Variants in FAT3 observed in about 807,000 individuals in gnomAD.
FAT3 encodes the protein protocadherin Fat 3.
FAT3 carries 95 observed loss-of-function variants against 310.2 expected under a neutral mutation model. The ratio of observed to expected loss-of-function variants is 0.31; its 90% CI spans 0.26 to 0.36. The LOEUF (loss-of-function observed/expected upper bound fraction) is 0.36. Ranked by LOEUF, FAT3 falls within the 10% of genes least tolerant of loss-of-function variation. FAT3 has a pLI of 1.00. For missense variants in FAT3, 5,408 were observed against 5,715.6 expected, an observed-to-expected ratio of 0.95 and a Z score of 1.74; for synonymous variants, 2,314 against 2,192.9, an observed-to-expected ratio of 1.06 and a Z score of -1.54.
At chr11:92,613,821 T>G (rs1297958728) in intron 3 of FAT3, among the ~76,000 whole-genome samples, 1 of 152,210 alleles carries the variant, frequency 6.6e-6, no homozygotes, top group African/African-American at 2.4e-5. Flanking sequence ...ATTCACAGAA[T>G]TGTGCATCTG....
chr11:92,505,864 T>C (rs1953083648), intron 2 of FAT3, among the ~76,000 whole-genome samples: 3 of 152,188 alleles, frequency 2.0e-5, no homozygotes, highest in Admixed American at 6.5e-5. Flanking sequence ...GTGCAATAAC[T>C]GTCAGGCACT....
At chr11:92,536,193 A>G (rs1166320366) in intron 3 of FAT3, among the ~76,000 whole-genome samples, 1 of 152,200 alleles carries the variant, frequency 6.6e-6, no homozygotes, top group Non-Finnish European at 1.5e-5. Context: ...GAGGTAGATT[A>G]TTCTGGGAAA....
chr11:92,693,107 C>T (rs184787150), intron 3 of FAT3, among the ~76,000 whole-genome samples: 1 of 152,266 alleles, frequency 6.6e-6, no homozygotes, highest in East Asian at 1.9e-4. Context: ...AACAAAAAAT[C>T]AAAAGCAGCC....
intron 3 of FAT3, among the ~76,000 whole-genome samples, chr11:92,570,055 G>A (rs1377740936): frequency 2.0e-5 from 3 of 152,160 alleles, no homozygotes; most frequent in East Asian, 3.9e-4. Context: ...GAGAACTGAG[G>A]TCAGTGTTTA....
At chr11:92,618,501 T>G (rs1324069031) in intron 3 of FAT3, among the ~76,000 whole-genome samples, 1 of 152,130 alleles carries the variant, frequency 6.6e-6, no homozygotes, top group Non-Finnish European at 1.5e-5. Flanking sequence ...CAAGCCCCAG[T>G]GAGATGAACC....
chr11:92,680,761 T>C (rs937481621), intron 3 of FAT3, among the ~76,000 whole-genome samples: 1 of 152,214 alleles, frequency 6.6e-6, no homozygotes, highest in Non-Finnish European at 1.5e-5. Flanking sequence ...ATGAGGTAGA[T>C]ACAAACTTTT....
chr11:92,574,985 A>G (rs1196077505), intron 3 of FAT3, among the ~76,000 whole-genome samples: 1 of 152,126 alleles, frequency 6.6e-6, no homozygotes, highest in Non-Finnish European at 1.5e-5. Context: ...CTGCACTTAG[A>G]TTCGGGTCTG....
At chr11:92,320,880 A>C (rs187110329) in intron 1 of FAT3, among the ~76,000 whole-genome samples, 2 of 148,466 alleles carry the variant, frequency 1.3e-5, no homozygotes, top group Non-Finnish European at 3.0e-5. Context: ...AAAAAAAAAA[A>C]GGGGGGGGTA....
chr11:92,774,409 T>C (rs1234135266), intron 7 of FAT3, among the ~76,000 whole-genome samples: 8 of 152,234 alleles, frequency 5.3e-5, no homozygotes, highest in Admixed American at 5.2e-4. Context: ...GGAAAAATAA[T>C]GCGTGTTTCT....
intron 1 of FAT3, among the ~76,000 whole-genome samples, chr11:92,284,532 T>A (rs2134374616): frequency 6.6e-6 from 1 of 152,220 alleles, no homozygotes; most frequent in African/African-American, 2.4e-5. Flanking sequence ...AGCACAGGAC[T>A]CAGCAGGATT....
intron 22 of FAT3, among the ~76,000 whole-genome samples, chr11:92,873,700 A>G (rs142080996): frequency 6.6e-6 from 1 of 152,350 alleles, no homozygotes; most frequent in African/African-American, 2.4e-5. Context: ...GATTCATTTT[A>G]AGTTGGTCTG....
chr11:92,609,077 A>G (rs1477807336), intron 3 of FAT3, among the ~76,000 whole-genome samples: 1 of 152,202 alleles, frequency 6.6e-6, no homozygotes, highest in Non-Finnish European at 1.5e-5. Flanking sequence ...CTCTTTACAT[A>G]AATTTTGATT....
At chr11:92,640,552 A>G in intron 3 of FAT3, among the ~76,000 whole-genome samples, 1 of 152,194 alleles carries the variant, frequency 6.6e-6, no homozygotes, top group East Asian at 1.9e-4. Context: ...GTAAATGCAT[A>G]CACATAAAAG....
At chr11:92,344,236 T>G (rs1232271277) in intron 1 of FAT3, among the ~76,000 whole-genome samples, 1 of 152,168 alleles carries the variant, frequency 6.6e-6, no homozygotes, top group African/African-American at 2.4e-5. Flanking sequence ...AAATGGAAAA[T>G]TCCAAAAATA....
chr11:92,273,246 G>A (rs1946177735), intron 1 of FAT3, among the ~76,000 whole-genome samples: 1 of 152,038 alleles, frequency 6.6e-6, no homozygotes, highest in African/African-American at 2.4e-5. Flanking sequence ...TGGGGAACTT[G>A]TATCTCTGCC....
At chr11:92,869,482 G>GC (rs1398539753) in intron 22 of FAT3, among the ~76,000 whole-genome samples, 2 of 152,242 alleles carry the variant, frequency 1.3e-5, no homozygotes, top group Admixed American at 1.3e-4. Flanking sequence ...TCTGATGTGT[G>GC]AGGGGGTATC....
In FAT3 at chr11:92,801,865, G is replaced by A. The variant is rs375952962; in HGVS notation, c.8852G>A (p.Arg2951Lys). ...EVVAVLSTWD[R>K]DTSDVNRQVS... ...GTAGCCGTCCTCAGCACCTGGGACA[G>A]AGACACATCCGACGTTAATCGCCAA... The change falls in exon 10 of 28, where the codon AGA (arginine) becomes AAA (lysine). Residue 2951 changes from arginine (R) to lysine (K), a missense_variant. Arg to Lys is a conservative substitution (Grantham distance 26, BLOSUM62 2). Around this residue, in one of 5 missense-constraint regions of FAT3, gnomAD observed 4,588 missense variants for 4,809.8 expected, o/e 0.95. Coordinates refer to ENST00000525166, the MANE Select transcript of FAT3 (RefSeq NM_001367949.2). The A allele has an allele frequency of 6.2e-7, 1 of 1,613,930 alleles. No individual in the cohort carries two copies. Among genetic ancestry groups the A allele is most frequent in the Non-Finnish European group, 8.5e-7 (1 of 1,179,844 alleles).
At chr11:92,412,396 C>T (rs1031826193) in intron 2 of FAT3, among the ~76,000 whole-genome samples, 2 of 78,742 alleles carry the variant, frequency 2.5e-5, no homozygotes, top group African/African-American at 3.2e-5. Context: ...CCACCAGACC[C>T]GGCCTATTTT....
At position 92,355,398 on chromosome 11, in the gene FAT3, G is replaced by A. The variant is rs1444984775; in HGVS notation, c.3286G>A (p.Glu1096Lys). ...TCTTGGAAGGTTCAGTATAGACGACGAGAGTGGTAAGTGTAATATTTTGTG... is the reference window on the plus strand; with the variant it reads ...TCTTGGAAGGTTCAGTATAGACGACAAGAGTGGTAAGTGTAATATTTTGTG... ...SGLGRFSIDD[E>K]SGVITAADIL... The change falls in exon 2 of 28, where the codon GAG (glutamate) becomes AAG (lysine). Residue 1096 changes from glutamate (E) to lysine (K), a missense_variant. Physicochemically the swap from Glu to Lys is moderately conservative, Grantham distance 56 (BLOSUM62 1). This residue lies in a region of FAT3 where 4,588 missense variants were observed against 4,809.8 expected (regional missense o/e 0.95). Transcript: ENST00000525166. 6 of 1,607,276 alleles carry A rather than the reference G, an allele frequency of 3.7e-6. No individual in the cohort carries two copies. The highest frequency in any genetic ancestry group is 2.2e-5 in the East Asian group (1 of 44,742).
Sources: gnomAD v4.1 joint callset for allele counts (sites outside exome capture counted in the v4.1 genomes callset) on GRCh38, gnomAD v4.1.1 for gene constraint, gnomAD v4.1.1 regional missense constraint, MANE v1.5 for transcripts, NCBI Gene and HGNC (gene_info 2026-07-23, HGNC 2026-07-21) for gene names.